NRXN3: variants seen among roughly 807,000 people sequenced by gnomAD.
The protein encoded by NRXN3 is neurexin III.
A neutral mutation model predicts 137.6 loss-of-function variants in NRXN3; 32 were observed. That is an observed-to-expected ratio of 0.23 (90% confidence interval 0.18 to 0.31). The LOEUF is 0.31. Ranked by LOEUF, NRXN3 falls within the 10% of genes least tolerant of loss-of-function variation. NRXN3 has a pLI of 1.00. For missense variants in NRXN3, 1,574 were observed against 2,062.5 expected (o/e 0.76, Z 4.59); for synonymous variants, 798 against 784.5 (o/e 1.02, Z -0.29).
intron 16 of NRXN3, among the ~76,000 whole-genome samples, chr14:79,498,068 G>T (rs1759540291): frequency 6.6e-6 from 1 of 151,958 alleles, no homozygotes; most frequent in African/African-American, 2.4e-5. Context: ...AAAAAAACCA[G>T]GAAGAACATA....
intron 1 of NRXN3, chr14:78,231,405 ATGT>A (rs576633140): frequency 2.6e-5 from 4 of 152,426 alleles, no homozygotes; most frequent in Admixed American, 2.6e-4. Context: ...TCATGTAGTA[ATGT>A]TGTTTCACAT....
At chr14:78,696,325 G>T (rs928421985) in intron 6 of NRXN3, among the ~76,000 whole-genome samples, 3 of 151,934 alleles carry the variant, frequency 2.0e-5, no homozygotes, top group Non-Finnish European at 4.4e-5. Context: ...CAGATTCCCA[G>T]TTTTCTCAAT....
intron 4 of NRXN3, among the ~76,000 whole-genome samples, chr14:78,451,643 C>T (rs1220398672): frequency 1.3e-5 from 2 of 152,174 alleles, no homozygotes; most frequent in Non-Finnish European, 2.9e-5. Context: ...CTGTAATAAA[C>T]GAACTCTCAC....
chr14:79,102,621 C>A (rs2051544565), intron 15 of NRXN3, among the ~76,000 whole-genome samples: 1 of 152,080 alleles, frequency 6.6e-6, no homozygotes, highest in African/African-American at 2.4e-5. Context: ...AATATATTTA[C>A]CAAGTGTTAG....
chr14:79,259,031 T>G (rs139763303), intron 15 of NRXN3, among the ~76,000 whole-genome samples: 151 of 152,292 alleles, frequency 9.9e-4, no homozygotes, highest in African/African-American at 3.4e-3. Flanking sequence ...TTATTTTTTT[T>G]CCTCACTTTT....
intron 10 of NRXN3, among the ~76,000 whole-genome samples, chr14:78,897,948 G>A (rs1249825197): frequency 1.3e-5 from 2 of 151,840 alleles, no homozygotes; most frequent in Admixed American, 6.6e-5. Flanking sequence ...AAACATCATG[G>A]CATTTATCTC....
At chr14:79,781,504 C>A (rs1052981253) in intron 19 of NRXN3, among the ~76,000 whole-genome samples, 1 of 152,222 alleles carries the variant, frequency 6.6e-6, no homozygotes, top group African/African-American at 2.4e-5. Flanking sequence ...TATAGGTAAA[C>A]AGGATTCGTA....
chr14:78,865,578 C>T (rs1318728170), intron 10 of NRXN3, among the ~76,000 whole-genome samples: 4 of 152,082 alleles, frequency 2.6e-5, no homozygotes, highest in Non-Finnish European at 4.4e-5. Flanking sequence ...ATTTAAATAC[C>T]TATCAAAGCT....
intron 4 of NRXN3, among the ~76,000 whole-genome samples, chr14:78,484,342 T>G (rs1013033559): frequency 2.0e-5 from 3 of 152,144 alleles, no homozygotes; most frequent in African/African-American, 7.2e-5. Context: ...ACTACCCTTT[T>G]GAGAGGCAGG....
chr14:79,159,150 C>G (rs1195228810), intron 15 of NRXN3, among the ~76,000 whole-genome samples: 1 of 151,580 alleles, frequency 6.6e-6, no homozygotes, highest in African/African-American at 2.4e-5. Context: ...TTGAACATCC[C>G]CCAAAACTGT....
At chr14:79,446,623 C>G (rs1446881135) in intron 15 of NRXN3, among the ~76,000 whole-genome samples, 1 of 152,150 alleles carries the variant, frequency 6.6e-6, no homozygotes, top group African/African-American at 2.4e-5. Flanking sequence ...CTCCCTCCTC[C>G]CTGCCCCCTC....
At chr14:79,073,007 T>C (rs1431068323) in intron 15 of NRXN3, among the ~76,000 whole-genome samples, 1 of 151,766 alleles carries the variant, frequency 6.6e-6, no homozygotes, top group East Asian at 1.9e-4. Flanking sequence ...CTGCCTCAGC[T>C]TCCTGAGTAG....
At position 79,318,890 on chromosome 14, in the gene NRXN3, T is replaced by C. The variant is rs2089444767; in HGVS notation, c.3263-148331T>C. Among the ~76,000 whole-genome samples the C allele has an allele frequency of 2.0e-5, 3 of 152,218 alleles. No homozygotes were observed. In the South Asian group the frequency reaches 6.2e-4, roughly 32 times the overall value. ...CCATTTGCATTGGCTGCAGACTCTC[T>C]AAGTATTACTTTCCCTTCCTTGTGG... On this transcript the variant is annotated intron_variant, in intron 15 of 20. Transcript: ENST00000335750.
intron 19 of NRXN3, among the ~76,000 whole-genome samples, chr14:79,723,100 C>A (rs17174723): frequency 0.13 from 19,893 of 152,036 alleles, 1,446 homozygotes; most frequent in Middle Eastern, 0.21. Context: ...GTCTAGGAAA[C>A]CTAGGATATA....
At chr14:78,729,288 T>G (rs2152894507) in intron 8 of NRXN3, among the ~76,000 whole-genome samples, 1 of 152,296 alleles carries the variant, frequency 6.6e-6, no homozygotes, top group African/African-American at 2.4e-5. Context: ...CTATCAGATT[T>G]TCTATTATTC....
intron 16 of NRXN3, among the ~76,000 whole-genome samples, chr14:79,531,083 T>C (rs1178054224): frequency 6.6e-6 from 1 of 152,184 alleles, no homozygotes; most frequent in African/African-American, 2.4e-5. Context: ...AACCCTCTAG[T>C]CCCATTTACT....
chr14:79,649,062 C>T (rs899552492), intron 16 of NRXN3, among the ~76,000 whole-genome samples: 23 of 152,236 alleles, frequency 1.5e-4, no homozygotes, highest in African/African-American at 5.5e-4. Flanking sequence ...ATAAGTTTAG[C>T]CACACTCAAT....
chr14:79,496,944 A>C (rs1342369149), intron 16 of NRXN3, among the ~76,000 whole-genome samples: 2 of 152,184 alleles, frequency 1.3e-5, no homozygotes, highest in African/African-American at 2.4e-5. Context: ...ACTTGTTCTA[A>C]ACCCTCTGCG....
At chr14:78,509,404 T>A (rs2096061489) in intron 4 of NRXN3, among the ~76,000 whole-genome samples, 1 of 152,204 alleles carries the variant, frequency 6.6e-6, no homozygotes, top group Middle Eastern at 3.4e-3. Context: ...TTCTTAGGGG[T>A]CTTTGAAAAT....
Sources: gnomAD v4.1 joint callset for allele counts (sites outside exome capture counted in the v4.1 genomes callset) on GRCh38, gnomAD v4.1.1 for gene constraint, MANE v1.5 for transcripts, NCBI Gene and HGNC (gene_info 2026-07-23, HGNC 2026-07-21) for gene names.